Variants in RUFY1 observed in about 807,000 individuals in gnomAD.
RUFY1 encodes RUN and FYVE domain containing 1.
A neutral mutation model predicts 94.6 loss-of-function variants in RUFY1; 54 were observed. The ratio of observed to expected loss-of-function variants is 0.57; its 90% confidence interval spans 0.46 to 0.72. The LOEUF (loss-of-function observed/expected upper bound fraction) is 0.72. Among genes scored for constraint, RUFY1 ranks in the 30% least tolerant of loss-of-function variants. The probability of loss-of-function intolerance (pLI) is 0.00; values close to 1 mark genes in which losing one functional copy is unlikely to be tolerated. For missense variants in RUFY1, 883 were observed against 883.9 expected (o/e 1.00, Z 0.01); for synonymous variants, 396 against 347.3 (o/e 1.14, Z -1.56).
chr5:179,556,268 A>G (rs1489055508), intron 1 of RUFY1, among the ~76,000 whole-genome samples: 1 of 152,098 alleles, frequency 6.6e-6, no homozygotes, highest in African/African-American at 2.4e-5. Context: ...TCTGCCATAG[A>G]ATTAATGTAA....
intron 1 of RUFY1, among the ~76,000 whole-genome samples, chr5:179,551,261 CCTGCGCGCAGCGGACCAGCG>C (rs1413476356): frequency 3.9e-5 from 6 of 152,240 alleles, no homozygotes; most frequent in Admixed American, 6.5e-5. Flanking sequence ...GGGCGTGGGC[CCTGCGCGCAGCGGACCAGCG>C]GCGCCTCCGC....
chr5:179,588,299 G>A lies in RUFY1; in HGVS notation c.1027-1247G>A, dbSNP rs1443751998. ...GGTCCCTCCACTAGTGAATGATGCC[G>A]AGAGCCAGCCAAGCACCAAGGACAG... On this transcript the variant is annotated intron_variant, in intron 8 of 17. Transcript: ENST00000319449. 2.6e-5 allele frequency among the ~76,000 whole-genome samples: 4 copies of A among 152,128 alleles called. No individual in the cohort carries two copies. The East Asian group carries it at 5.8e-4, about 22-fold the overall frequency.
chr5:179,563,216 C>T (rs1167923482), intron 3 of RUFY1, among the ~76,000 whole-genome samples: 1 of 152,092 alleles, frequency 6.6e-6, no homozygotes, highest in Non-Finnish European at 1.5e-5. Flanking sequence ...GCAGAGTTTC[C>T]CAGACGGGAC....
chr5:179,565,856 A>G (rs2127519701), intron 3 of RUFY1, among the ~76,000 whole-genome samples: 1 of 152,218 alleles, frequency 6.6e-6, no homozygotes, highest in Non-Finnish European at 1.5e-5. Context: ...AAAGTTGCAC[A>G]GTTGGCCAGG....
At chr5:179,569,556 G>C in intron 5 of RUFY1, 131 bp downstream of exon 5, 2 of 880,516 alleles carry the variant, frequency 2.3e-6, no homozygotes, top group Non-Finnish European at 3.7e-6. Flanking sequence ...CCCCAGGGAT[G>C]CAGCTGGGGA....
At chr5:179,585,933 C>G in intron 8 of RUFY1, 68 bp downstream of exon 8, 1 of 1,278,760 alleles carries the variant, frequency 7.8e-7, no homozygotes, top group Non-Finnish European at 1.1e-6. Flanking sequence ...TCTGTGTAGT[C>G]GGTCTGCGAT....
intron 8 of RUFY1, among the ~76,000 whole-genome samples, chr5:179,588,922 G>A (rs1205051216): frequency 1.3e-5 from 2 of 151,896 alleles, no homozygotes; most frequent in African/African-American, 2.4e-5. Context: ...GTAGAGATGG[G>A]GTTTCACCAT....
intron 6 of RUFY1, among the ~76,000 whole-genome samples, chr5:179,579,642 T>A (rs1275921187): frequency 1.4e-5 from 2 of 143,152 alleles, no homozygotes; most frequent in East Asian, 2.0e-4. Flanking sequence ...TAACAAAATA[T>A]ACCCTTTTCT....
Position 179,596,698 on chromosome 5 carries a change from G to T in RUFY1, c.1631+17G>T, listed in dbSNP as rs1278564000. 7 of 1,570,130 alleles carry T rather than the reference G, an allele frequency of 4.5e-6. No individual in the cohort carries two copies. The East Asian group carries it at 1.6e-4, about 35-fold the overall frequency. On this transcript the variant is annotated intron_variant, in intron 13 of 17. Transcript: ENST00000319449. ...CGAGCAATGGTAGGGGCCCTGCAGG[G>T]AGCCTGGGCTGGGGTGTGGCTCAGG...
At chr5:179,580,533 C>T (rs1446642441) in intron 6 of RUFY1, among the ~76,000 whole-genome samples, 1 of 149,578 alleles carries the variant, frequency 6.7e-6, no homozygotes, top group East Asian at 2.0e-4. Context: ...TGAGCCACCA[C>T]GCCTGGCCAG....
At chr5:179,550,999 T>C in intron 1 of RUFY1, 120 bp downstream of exon 1, 1 of 879,694 alleles carries the variant, frequency 1.1e-6, no homozygotes, top group Non-Finnish European at 1.4e-6. Context: ...ACGCGAGCTG[T>C]TGGCGGGCGG....
intron 2 of RUFY1, among the ~76,000 whole-genome samples, chr5:179,562,289 C>A (rs1238675958): frequency 1.3e-5 from 2 of 152,038 alleles, no homozygotes; most frequent in Non-Finnish European, 2.9e-5. Context: ...GCACCTGTAA[C>A]CCCAGCTACT....
intron 8 of RUFY1, 41 bp from the exon 9 acceptor site, chr5:179,589,505 T>A (rs1235885331): frequency 8.2e-7 from 1 of 1,215,812 alleles, no homozygotes; most frequent in African/African-American, 1.5e-5. Context: ...ACAATAAGAT[T>A]AATTTTGATG....
Position 179,550,682 on chromosome 5 carries a change from T to C in RUFY1, c.113T>C (p.Ile38Thr). 1 of 1,498,692 alleles carries C rather than the reference T, an allele frequency of 6.7e-7. No homozygotes were observed. Among genetic ancestry groups the C allele is most frequent in the Non-Finnish European group, 8.8e-7 (1 of 1,130,234 alleles). 92.8% of individuals were successfully genotyped at this position (1,498,692 alleles called of 1,614,324 possible). A position where few individuals can be genotyped will look rare whatever the true frequency, so the allele number is the denominator to read the frequency against. The change falls in exon 1 of 18, where the codon ATC becomes ACC. Residue 38 changes from isoleucine (I) to threonine (T), a missense_variant. Physicochemically the swap from Ile to Thr is moderately conservative, Grantham distance 89. Coordinates refer to ENST00000319449, the MANE Select transcript of RUFY1 (RefSeq NM_025158.5). ...CTTGAGCCGGGAGAAGAGTTTGAGA[T>C]CGTGGACCGAAGCCAGCTGCCCGGC... ...SALEPGEEFEIVDRSQLPGPG... is the reference protein window; with the variant it reads ...SALEPGEEFETVDRSQLPGPG...
At chr5:179,605,976 C>T (rs767359962) in intron 16 of RUFY1, 52 bp downstream of exon 16, 5 of 1,199,126 alleles carry the variant, frequency 4.2e-6, no homozygotes, top group Admixed American at 1.7e-5. Flanking sequence ...GCTGACTGCC[C>T]GTGTGCTCGT....
At position 179,550,786 on chromosome 5, in the gene RUFY1, GC is replaced by G; in HGVS notation, c.219del (p.Thr74ProfsTer36). ...GCCCATCCTGACCCTGGCACGCAGG[GC>G]CACCGGGAACCTGTCGGCGAGCTGC... ...SAPILTLARR[A>X]TGNLSASCGS... On this transcript the variant is annotated frameshift_variant, in exon 1 of 18. Transcript: ENST00000319449. LOFTEE classifies it high-confidence loss of function. The G allele has an allele frequency of 7.3e-7, 1 of 1,373,436 alleles. No homozygotes were observed. Among genetic ancestry groups the G allele is most frequent in the South Asian group, 1.6e-5 (1 of 62,524 alleles). 85.1% of individuals were successfully genotyped at this position (1,373,436 alleles called of 1,614,324 possible).
chr5:179,609,618 AG>A lies in RUFY1; in HGVS notation c.*100del. Reference sequence around the variant, plus strand: ...TTCTTTCCCAAGAGTATCAAAGGAAAGAATCAAATTTCTTGCCCGGTCACTG... The same window carrying A: ...TTCTTTCCCAAGAGTATCAAAGGAAAAATCAAATTTCTTGCCCGGTCACTG... On this transcript the variant is annotated 3_prime_UTR_variant, in exon 18 of 18. Transcript: ENST00000319449. 8.0e-7 allele frequency: 1 copy of A among 1,248,978 alleles called. No individual in the cohort carries two copies. The allele number at this position is 1,248,978 out of a possible 1,614,324, so 77.4% of individuals were successfully genotyped here.
At chr5:179,596,936 G>T in intron 13 of RUFY1, 4 of 470,182 alleles carry the variant, frequency 8.5e-6, no homozygotes, top group Non-Finnish European at 1.5e-5. Context: ...CCAGGTCACA[G>T]CCTGTATCAC....
intron 17 of RUFY1, among the ~76,000 whole-genome samples, 170 bp from the exon 18 acceptor site, chr5:179,609,206 C>A (rs866634221): frequency 1.7e-4 from 21 of 121,400 alleles, no homozygotes; most frequent in Admixed American, 3.6e-4. Context: ...GACTCTATCT[C>A]AAAAAAAAAA....
Sources: gnomAD v4.1 joint callset for allele counts (sites outside exome capture counted in the v4.1 genomes callset) on GRCh38, gnomAD v4.1.1 for gene constraint, MANE v1.5 for transcripts, NCBI Gene and HGNC (gene_info 2026-07-23, HGNC 2026-07-21) for gene names.